The following SUMF1 variants were observed in gnomAD, a reference collection of about 807,000 sequenced individuals.
SUMF1 encodes formylglycine-generating enzyme.
SUMF1 carries 48 observed loss-of-function variants against 47.6 expected under a neutral mutation model. The observed-to-expected ratio is 1.01, with a 90% CI of 0.80 to 1.28. SUMF1 has a LOEUF of 1.28. Ranked by LOEUF, SUMF1 falls within the 50% of genes most tolerant of loss-of-function variation. The pLI, the probability that SUMF1 is intolerant of heterozygous loss-of-function variation, is 0.00. For synonymous variants in SUMF1, 230 were observed against 192.1 expected, an observed-to-expected ratio of 1.20 and a Z score of -1.63; for missense variants, 571 against 485.4, an observed-to-expected ratio of 1.18 and a Z score of -1.66.
At chr3:4,429,760 T>C (rs1043798835) in intron 3 of SUMF1, among the ~76,000 whole-genome samples, 3 of 152,054 alleles carry the variant, frequency 2.0e-5, no homozygotes, top group Non-Finnish European at 2.9e-5. Context: ...GCTGGTACTG[T>C]ACCAGCCAAT....
intron 8 of SUMF1, among the ~76,000 whole-genome samples, chr3:4,154,166 A>G (rs972609050): frequency 6.6e-6 from 1 of 151,564 alleles, no homozygotes; most frequent in African/African-American, 2.4e-5. Context: ...GAATGTGTGG[A>G]GGTATCCAGG....
At chr3:4,341,459 A>G (rs1699270878) in intron 8 of SUMF1, among the ~76,000 whole-genome samples, 1 of 152,112 alleles carries the variant, frequency 6.6e-6, no homozygotes, top group Admixed American at 6.5e-5. Flanking sequence ...GAATGAATAC[A>G]TAGCTTTTCT....
chr3:4,331,526 AC>A (rs1377570807), intron 8 of SUMF1, among the ~76,000 whole-genome samples: 1 of 152,218 alleles, frequency 6.6e-6, no homozygotes, highest in African/African-American at 2.4e-5. Flanking sequence ...TAGCCTAAAA[AC>A]TTAAATCTAA....
intron 1 of SUMF1, among the ~76,000 whole-genome samples, chr3:4,457,036 G>A (rs1575249961): frequency 8.3e-6 from 1 of 119,826 alleles, no homozygotes; most frequent in South Asian, 2.6e-4. Flanking sequence ...ATACGTGTGT[G>A]TGTATATATA....
intron 7 of SUMF1, among the ~76,000 whole-genome samples, chr3:4,408,617 G>A (rs536789862): frequency 8.5e-4 from 129 of 152,174 alleles, no homozygotes; most frequent in Non-Finnish European, 1.2e-3. Flanking sequence ...TGCTTGAGGC[G>A]AGGAGTTCGA....
intron 7 of SUMF1, among the ~76,000 whole-genome samples, chr3:4,377,776 T>C (rs912673147): frequency 6.6e-6 from 1 of 152,138 alleles, no homozygotes; most frequent in Non-Finnish European, 1.5e-5. Context: ...GCCAGAACCG[T>C]ATCAGGGGAG....
chr3:4,232,876 C>T (rs544566016), intron 8 of SUMF1, among the ~76,000 whole-genome samples: 1 of 152,100 alleles, frequency 6.6e-6, no homozygotes, highest in Non-Finnish European at 1.5e-5. Flanking sequence ...CACCAGGTTG[C>T]CAGACAAATC....
intron 8 of SUMF1, among the ~76,000 whole-genome samples, chr3:4,352,301 C>T (rs1202403413): frequency 1.3e-5 from 2 of 152,078 alleles, no homozygotes; most frequent in African/African-American, 4.8e-5. Flanking sequence ...AACCAGTTCC[C>T]CCCCAAAAAC....
At chr3:4,209,171 G>T (rs557522374) in intron 8 of SUMF1, among the ~76,000 whole-genome samples, 2 of 151,998 alleles carry the variant, frequency 1.3e-5, no homozygotes, top group Non-Finnish European at 2.9e-5. Context: ...ATTTTATTGG[G>T]TACCTATTAT....
intron 6 of SUMF1, among the ~76,000 whole-genome samples, chr3:4,414,149 G>C (rs1416149054): frequency 6.6e-6 from 1 of 152,160 alleles, no homozygotes; most frequent in African/African-American, 2.4e-5. Flanking sequence ...ACAGGCATGA[G>C]CCACCGCACC....
At chr3:4,305,356 G>A (rs947782934) in intron 8 of SUMF1, among the ~76,000 whole-genome samples, 3 of 152,158 alleles carry the variant, frequency 2.0e-5, no homozygotes, top group Admixed American at 1.3e-4. Context: ...AAAGTGCTGG[G>A]ATTACAGACG....
chr3:4,055,621 T>C lies in SUMF1; in HGVS notation c.1191+12948A>G. On this transcript the variant is annotated intron_variant and NMD_transcript_variant, in intron 9 of 12. Transcript: ENST00000448413. Reference sequence around the variant, plus strand: ...TCTCAGCCTCCTGAGTAACTGGGACTACAGATGCACACCACCATGCCCCAC... The same window carrying C: ...TCTCAGCCTCCTGAGTAACTGGGACCACAGATGCACACCACCATGCCCCAC... Among the ~76,000 whole-genome samples the C allele has an allele frequency of 2.0e-5, 3 of 152,304 alleles. No individual in the cohort carries two copies. In the Middle Eastern group the frequency reaches 0.01, roughly 518 times the overall value.
intron 8 of SUMF1, among the ~76,000 whole-genome samples, chr3:4,076,410 A>C (rs1243283263): frequency 6.6e-6 from 1 of 152,152 alleles, no homozygotes; most frequent in Non-Finnish European, 1.5e-5. Context: ...AACCTAGGCA[A>C]TACCATTCAG....
intron 8 of SUMF1, among the ~76,000 whole-genome samples, chr3:4,289,320 C>G (rs144425720): frequency 3.6e-4 from 55 of 152,298 alleles, no homozygotes; most frequent in Admixed American, 3.6e-3. Flanking sequence ...CCTGTATTTC[C>G]TGCTCAGTTA....
At chr3:4,452,586 T>C (rs962315022) in intron 2 of SUMF1, among the ~76,000 whole-genome samples, 3 of 152,248 alleles carry the variant, frequency 2.0e-5, no homozygotes, top group Non-Finnish European at 2.9e-5. Flanking sequence ...ATAATAGTTA[T>C]AGCACATGTT....
chr3:4,211,169 C>CATAT (rs1443669369), intron 8 of SUMF1, among the ~76,000 whole-genome samples: 1 of 117,454 alleles, frequency 8.5e-6, no homozygotes, highest in African/African-American at 3.3e-5. Context: ...CATATATATA[C>CATAT]ACACATATAT....
At chr3:4,322,801 A>G in intron 8 of SUMF1, among the ~76,000 whole-genome samples, 1 of 152,206 alleles carries the variant, frequency 6.6e-6, no homozygotes, top group Admixed American at 6.5e-5. Context: ...CTCAAAGCTC[A>G]CATACAATTA....
rs1311819708 is a variant in SUMF1, at chr3:4,255,707, G to A, written c.1014+120623C>T. Among the ~76,000 whole-genome samples the A allele has an allele frequency of 2.1e-4, 29 of 137,298 alleles. No homozygotes were observed. In the East Asian group the frequency reaches 3.9e-3, roughly 19 times the overall value. The allele number at this position is 137,298 out of a possible 152,430, so 90.1% of individuals were successfully genotyped here. A position where few individuals can be genotyped will look rare whatever the true frequency, so the allele number is the denominator to read the frequency against. ...CATTGTCAACATTAGACAGATCAAC[G>A]AGACAGAAAGTCAACAAGGATACCC... On this transcript the variant is annotated intron_variant and NMD_transcript_variant, in intron 8 of 12. Coordinates refer to the SUMF1 transcript ENST00000448413.
intron 6 of SUMF1, among the ~76,000 whole-genome samples, chr3:4,415,213 T>A (rs1204573582): frequency 1.2e-4 from 12 of 100,422 alleles, no homozygotes; most frequent in Admixed American, 2.8e-4. Context: ...GGCAACAGAG[T>A]AAGACTCCAT....
Sources: allele counts gnomAD v4.1 joint callset (sites outside exome capture counted in the v4.1 genomes callset), GRCh38; gene constraint gnomAD v4.1.1; transcripts MANE v1.5; gene names NCBI Gene and HGNC (gene_info 2026-07-23, HGNC 2026-07-21).